The following ALG5 variants were observed in gnomAD, a reference collection of about 807,000 sequenced individuals.
The protein encoded by ALG5 is ALG5 dolichyl-phosphate beta-glucosyltransferase.
In ALG5, 26 loss-of-function variants were observed where a neutral mutation model predicts 51.8. The observed-to-expected ratio is 0.50, with a 90% CI of 0.37 to 0.70. ALG5 has a LOEUF of 0.70. ALG5 is among the 30% of genes least tolerant of loss of function. ALG5 has a pLI of 0.00. For synonymous variants in ALG5, 141 were observed against 136.1 expected (o/e 1.04, Z -0.25); for missense variants, 311 against 399.3 (o/e 0.78, Z 1.88).
At chr13:36,957,909 C>A (rs1345414143) in intron 8 of ALG5, among the ~76,000 whole-genome samples, 2 of 152,088 alleles carry the variant, frequency 1.3e-5, no homozygotes, top group Admixed American at 1.3e-4. Flanking sequence ...TAGATACATC[C>A]TGGGAAGGAC....
At chr13:36,996,662 GAT>G (rs1219214633) in intron 1 of ALG5, among the ~76,000 whole-genome samples, 2 of 152,276 alleles carry the variant, frequency 1.3e-5, no homozygotes, top group East Asian at 3.9e-4. Context: ...AACTGGGTAA[GAT>G]GCAGGAAGGA....
chr13:36,953,861 G>A (rs775759963), intron 8 of ALG5, among the ~76,000 whole-genome samples: 17 of 152,042 alleles, frequency 1.1e-4, no homozygotes, highest in South Asian at 4.1e-4. Flanking sequence ...TATTAAGCCT[G>A]GTGCTTTACC....
intron 8 of ALG5, among the ~76,000 whole-genome samples, chr13:36,959,573 G>T (rs1051962711): frequency 2.0e-5 from 3 of 152,026 alleles, no homozygotes; most frequent in Non-Finnish European, 2.9e-5. Flanking sequence ...ACACTGTGGA[G>T]AAAAAGCTTC....
intron 6 of ALG5, among the ~76,000 whole-genome samples, chr13:36,975,066 C>T (rs2058943893): frequency 6.6e-6 from 1 of 152,146 alleles, no homozygotes; most frequent in Non-Finnish European, 1.5e-5. Flanking sequence ...CAAAAATTAG[C>T]TGGGCGTGGT....
intron 6 of ALG5, among the ~76,000 whole-genome samples, chr13:36,976,446 A>AAAAAG (rs1566063058): frequency 5.6e-4 from 82 of 145,326 alleles, no homozygotes; most frequent in African/African-American, 2.0e-3. Context: ...AAAAAAAAAA[A>AAAAAG]AAAAGAAAAG....
chr13:36,977,815 CA>C (rs1196106688), intron 6 of ALG5, among the ~76,000 whole-genome samples: 18 of 96,724 alleles, frequency 1.9e-4, no homozygotes, highest in African/African-American at 5.7e-4. Flanking sequence ...AAAAAAAAAA[CA>C]AAAACGGTGG....
At chr13:36,956,408 A>C (rs1275880579) in intron 8 of ALG5, among the ~76,000 whole-genome samples, 1 of 152,202 alleles carries the variant, frequency 6.6e-6, no homozygotes, top group Non-Finnish European at 1.5e-5. Context: ...TGATTATGGG[A>C]AAGTGTATGG....
At chr13:36,952,487 C>A (rs771995242) in intron 9 of ALG5, 27 bp downstream of exon 9, 28 of 1,502,322 alleles carry the variant, frequency 1.9e-5, no homozygotes, top group Non-Finnish European at 2.6e-5. Context: ...TGACTCAAGA[C>A]AATCATACAA....
chr13:36,950,127 T>G (rs937213374), intron 9 of ALG5, 70 bp from the exon 10 acceptor site: 16 of 934,230 alleles, frequency 1.7e-5, no homozygotes, highest in African/African-American at 1.7e-5. Context: ...CAGTTTAAAG[T>G]CAGTCTACAT....
chr13:36,997,822 G>A (rs2059058464), intron 1 of ALG5, among the ~76,000 whole-genome samples: 1 of 152,078 alleles, frequency 6.6e-6, no homozygotes, highest in Non-Finnish European at 1.5e-5. Flanking sequence ...ATGGAGAGTG[G>A]ATACATATGA....
chr13:36,982,334 C>G (rs536695457), intron 6 of ALG5, among the ~76,000 whole-genome samples: 1 of 152,334 alleles, frequency 6.6e-6, no homozygotes, highest in South Asian at 2.1e-4. Flanking sequence ...GCTGCTTAAG[C>G]ATCACTAGAG....
intron 6 of ALG5, among the ~76,000 whole-genome samples, chr13:36,972,493 C>T (rs1012027308): frequency 2.9e-5 from 4 of 140,076 alleles, no homozygotes; most frequent in Non-Finnish European, 4.6e-5. Flanking sequence ...GTCACATGTA[C>T]GAACAATAAT....
intron 9 of ALG5, among the ~76,000 whole-genome samples, 157 bp from the exon 10 acceptor site, chr13:36,950,214 G>A (rs2058812321): frequency 6.6e-6 from 1 of 152,190 alleles, no homozygotes; most frequent in Non-Finnish European, 1.5e-5. Context: ...GCTGAAGTGA[G>A]TGGAGTGGTT....
chr13:36,964,461 CATGT>C (rs1371649658), intron 8 of ALG5, among the ~76,000 whole-genome samples: 1 of 152,106 alleles, frequency 6.6e-6, no homozygotes, highest in Non-Finnish European at 1.5e-5. Flanking sequence ...TGGATATATG[CATGT>C]GGAGAATGTC....
At chr13:36,990,992 C>T (rs1047836312) in intron 4 of ALG5, among the ~76,000 whole-genome samples, 2 of 152,156 alleles carry the variant, frequency 1.3e-5, no homozygotes, top group East Asian at 3.9e-4. Context: ...TTCACATAAG[C>T]CCTGTTCAAA....
intron 8 of ALG5, among the ~76,000 whole-genome samples, chr13:36,953,603 GGCCTGGTGTAAAACATTA>G (rs2058827381): frequency 6.6e-6 from 1 of 152,010 alleles, no homozygotes; most frequent in Non-Finnish European, 1.5e-5. Flanking sequence ...AAACTTCTAG[GGCCTGGTGTAAAACATTA>G]TTAATACAGA....
At chr13:36,969,422 A>T (rs961656913) in intron 7 of ALG5, among the ~76,000 whole-genome samples, 147 of 148,158 alleles carry the variant, frequency 9.9e-4, no homozygotes, top group Middle Eastern at 7.0e-3. Flanking sequence ...ATATATTTTA[A>T]AAAAAAAAAG....
chr13:36,970,316 T>TA (rs910681263), intron 7 of ALG5, among the ~76,000 whole-genome samples: 1 of 151,716 alleles, frequency 6.6e-6, no homozygotes, highest in African/African-American at 2.4e-5. Flanking sequence ...TAATTACTTC[T>TA]AAAAAAAAGA....
upstream of ALG5, chr13:36,999,355 G>C (rs956371282): frequency 6.8e-7 from 1 of 1,460,148 alleles, no homozygotes; most frequent in Non-Finnish European, 9.1e-7. Flanking sequence ...GCGGAAGCGC[G>C]CCCGCGCGAC....
Sources: allele counts gnomAD v4.1 joint callset (sites outside exome capture counted in the v4.1 genomes callset), GRCh38; gene constraint gnomAD v4.1.1; transcripts MANE v1.5; gene names NCBI Gene and HGNC (gene_info 2026-07-23, HGNC 2026-07-21).